Variants in DNASE1 observed in about 807,000 individuals in gnomAD.
The protein encoded by DNASE1 is deoxyribonuclease 1.
Under a neutral mutation model 33.9 loss-of-function variants are expected in DNASE1, and 40 were observed. The observed-to-expected ratio is 1.18, with a 90% CI of 0.92 to 1.54. The LOEUF is 1.54. Ranked by LOEUF, DNASE1 falls within the 40% of genes most tolerant of loss-of-function variation. The pLI is 0.00. For synonymous variants in DNASE1, 216 were observed against 160.0 expected (o/e 1.35, Z -2.64); for missense variants, 518 against 372.6 (o/e 1.39, Z -3.21).
chr16:3,611,812 G>A (rs2040887455), exon 1 of DNASE1: 1 of 152,198 alleles, frequency 6.6e-6, no homozygotes. Context: ...TTGAGAAAGA[G>A]TTAGGGCGAG....
chr16:3,614,023 C>G (rs1041049579), intron 1 of DNASE1, among the ~76,000 whole-genome samples: 1 of 151,398 alleles, frequency 6.6e-6, no homozygotes, highest in Non-Finnish European at 1.5e-5. Context: ...CGCCATTCTC[C>G]TGCCGCAGTC....
At chr16:3,623,422 CAAAG>C (rs1396212527) in intron 1 of DNASE1, among the ~76,000 whole-genome samples, 1 of 152,030 alleles carries the variant, frequency 6.6e-6, no homozygotes, top group African/African-American at 2.4e-5. Flanking sequence ...TTAGCCTAGG[CAAAG>C]AATATATGAC....
chr16:3,614,329 T>G (rs1348926400), intron 1 of DNASE1, among the ~76,000 whole-genome samples: 1 of 151,066 alleles, frequency 6.6e-6, no homozygotes, highest in Non-Finnish European at 1.5e-5. Flanking sequence ...CTGGGATTAC[T>G]GGTGTGAGCC....
At chr16:3,658,543 C>T (rs1181532400), downstream of DNASE1, 6 of 573,214 alleles carry the variant, frequency 1.0e-5, no homozygotes, top group African/African-American at 3.8e-5. Context: ...TAGCCAGGCG[C>T]ATGCCTGTAG....
chr16:3,642,267 T>C (rs887521980), upstream of DNASE1, among the ~76,000 whole-genome samples: 1 of 152,208 alleles, frequency 6.6e-6, no homozygotes, highest in African/African-American at 2.4e-5. Context: ...GACAGATGCC[T>C]TAGTCCACAG....
rs903564501 is a variant in DNASE1 at position 3,657,409 on chromosome 16, G to A, written c.704+68G>A. ...AAGGGCAGCCGTGACTCATAGGTCG[G>A]GCTTCAGAAGCCTCAAAGCCTTTGA... On this transcript the variant is annotated intron_variant, in intron 7 of 8. Transcript: ENST00000246949. The A allele has an allele frequency of 1.3e-4, 198 of 1,581,458 alleles. No homozygotes were observed. The Middle Eastern group carries it at 1.9e-3, about 15-fold the overall frequency.
At chr16:3,633,016 C>T (rs1482565478) in intron 1 of DNASE1, among the ~76,000 whole-genome samples, 2 of 151,982 alleles carry the variant, frequency 1.3e-5, no homozygotes, top group Non-Finnish European at 2.9e-5. Context: ...CTGAGAAAGT[C>T]TTTATTTCTG....
chr16:3,621,296 A>AG (rs1273483353), intron 1 of DNASE1, among the ~76,000 whole-genome samples: 2 of 152,156 alleles, frequency 1.3e-5, no homozygotes, highest in Non-Finnish European at 2.9e-5. Context: ...TATCTTGCCC[A>AG]GGCTGATCTT....
At chr16:3,665,320 A>G (rs2050806394) in exon 10 of DNASE1, 3 of 152,246 alleles carry the variant, frequency 2.0e-5, no homozygotes. Context: ...GGCTCCTGGG[A>G]TGAAATGTTC....
At position 3,645,615 on chromosome 16, in the gene DNASE1, G is replaced by A. The variant is rs541491422; in HGVS notation, c.-86+2579G>A. On this transcript the variant is annotated intron_variant, in intron 1 of 9. Transcript: ENST00000407479. ...CCGGCGGAGGCTGAGCCAACATGCC[G>A]TGGTTCAGGCCCACACCTCGTGGAA... 7.9e-5 allele frequency among the ~76,000 whole-genome samples: 12 copies of A among 152,338 alleles called. 1 individual carries two copies. The South Asian group carries it at 2.5e-3, about 32-fold the overall frequency.
At chr16:3,644,512 A>C (rs2042112917) in intron 1 of DNASE1, among the ~76,000 whole-genome samples, 2 of 151,900 alleles carry the variant, frequency 1.3e-5, no homozygotes, top group Admixed American at 1.3e-4. Context: ...GCAGTGAGCC[A>C]AGATTGCACC....
chr16:3,652,161 G>C (rs1275566083), upstream of DNASE1: 1 of 152,502 alleles, frequency 6.6e-6, no homozygotes, highest in Non-Finnish European at 1.5e-5. Context: ...CACTATGCCT[G>C]GGAGTTCCTG....
intron 1 of DNASE1, 27 bp from the exon 2 acceptor site, chr16:3,655,344 TTA>T (rs1491425357): frequency 2.5e-6 from 4 of 1,613,488 alleles, no homozygotes; most frequent in East Asian, 4.5e-5. Context: ...CTCACTTCTG[TTA>T]TGTCTCTGTG....
intron 1 of DNASE1, among the ~76,000 whole-genome samples, chr16:3,647,168 A>G (rs763685796): frequency 6.6e-6 from 1 of 151,808 alleles, no homozygotes; most frequent in Admixed American, 6.6e-5. Context: ...TTTAACATTA[A>G]CTAATGGTTA....
downstream of DNASE1, chr16:3,661,716 G>A (rs1295736260): frequency 1.3e-5 from 5 of 382,830 alleles, no homozygotes; most frequent in Non-Finnish European, 2.3e-5. Flanking sequence ...TCCAGGACAC[G>A]CACAGGTGGC....
intron 1 of DNASE1, among the ~76,000 whole-genome samples, chr16:3,632,994 A>G (rs769273862): frequency 1.3e-5 from 2 of 152,040 alleles, no homozygotes; most frequent in African/African-American, 2.4e-5. Context: ...AATTCCCTTA[A>G]TTTTTGTTCT....
At chr16:3,617,999 C>T (rs1471714388) in intron 1 of DNASE1, among the ~76,000 whole-genome samples, 1 of 138,790 alleles carries the variant, frequency 7.2e-6, no homozygotes, top group Non-Finnish European at 1.5e-5. Flanking sequence ...TCTAGTAGCA[C>T]AATATAGAAA....
downstream of DNASE1, chr16:3,659,183 G>C: frequency 7.4e-6 from 2 of 270,752 alleles, no homozygotes; most frequent in Non-Finnish European, 1.4e-5. Flanking sequence ...AAGGGAGTAA[G>C]ACCCACATGT....
chr16:3,655,145 G>C, intron 1 of DNASE1, 101 bp downstream of exon 1: 4 of 614,748 alleles, frequency 6.5e-6, no homozygotes, highest in Non-Finnish European at 1.1e-5. Flanking sequence ...GGAGGCTCCA[G>C]CGTCCCTCCC....
Sources: allele counts gnomAD v4.1 joint callset (sites outside exome capture counted in the v4.1 genomes callset), GRCh38; gene constraint gnomAD v4.1.1; transcripts MANE v1.5; gene names NCBI Gene and HGNC (gene_info 2026-07-23, HGNC 2026-07-21).